The following CACNB2 variants were observed in gnomAD, a reference collection of about 807,000 sequenced individuals.
CACNB2 encodes the protein voltage-dependent L-type calcium channel subunit beta-2.
In CACNB2, 42 loss-of-function variants were observed where a neutral mutation model predicts 73.3. The observed-to-expected ratio is 0.57, with a 90% CI of 0.45 to 0.74. CACNB2 has a LOEUF of 0.74. CACNB2 is among the 30% of genes least tolerant of loss of function. The probability of loss-of-function intolerance (pLI) is 0.00; values close to 1 mark genes in which losing one functional copy is unlikely to be tolerated. For missense variants in CACNB2, 940 were observed against 853.0 expected (o/e 1.10, Z -1.27); for synonymous variants, 348 against 310.3 (o/e 1.12, Z -1.28).
At chr10:18,363,102 T>C (rs1318304467) in intron 2 of CACNB2, among the ~76,000 whole-genome samples, 5 of 152,120 alleles carry the variant, frequency 3.3e-5, no homozygotes, top group African/African-American at 4.8e-5. Flanking sequence ...TCCCCCATCT[T>C]CTCTGCTCAC....
At chr10:18,145,953 CTCCTCCT>C in intron 1 of CACNB2, among the ~76,000 whole-genome samples, 1 of 152,132 alleles carries the variant, frequency 6.6e-6, no homozygotes, top group Non-Finnish European at 1.5e-5. Flanking sequence ...GCTTCCTGGC[CTCCTCCT>C]TCCTCCCTCC....
intron 2 of CACNB2, among the ~76,000 whole-genome samples, chr10:18,345,294 C>G (rs970398413): frequency 2.6e-5 from 4 of 152,108 alleles, no homozygotes; most frequent in African/African-American, 9.7e-5. Flanking sequence ...CAGTATTATT[C>G]ATATACTAAT....
intron 3 of CACNB2, among the ~76,000 whole-genome samples, chr10:18,440,178 C>T (rs12261122): frequency 6.6e-6 from 1 of 152,108 alleles, no homozygotes; most frequent in Non-Finnish European, 1.5e-5. Context: ...GGACAGGCTC[C>T]TTCAATCCCT....
intron 2 of CACNB2, among the ~76,000 whole-genome samples, chr10:18,154,549 C>A (rs1487486797): frequency 6.6e-6 from 1 of 152,088 alleles, no homozygotes; most frequent in African/African-American, 2.4e-5. Flanking sequence ...CTCACTGCAA[C>A]CTCCATCTCC....
intron 2 of CACNB2, among the ~76,000 whole-genome samples, chr10:18,305,982 G>A (rs984268088): frequency 6.6e-6 from 1 of 152,114 alleles, no homozygotes; most frequent in Non-Finnish European, 1.5e-5. Context: ...AAAAGGAAAA[G>A]TAAAGTGATA....
intron 2 of CACNB2, among the ~76,000 whole-genome samples, chr10:18,338,738 C>CTTTTTT (rs553402190): frequency 2.9e-5 from 3 of 102,446 alleles, no homozygotes; most frequent in African/African-American, 3.9e-5. Flanking sequence ...TCCTTCTTTC[C>CTTTTTT]TTTTTTTTTT....
chr10:18,394,297 G>A (rs540225933), intron 2 of CACNB2, among the ~76,000 whole-genome samples: 6 of 152,088 alleles, frequency 3.9e-5, no homozygotes, highest in Admixed American at 6.6e-5. Context: ...GAGAGCAAGC[G>A]AGCGTGCCTA....
intron 2 of CACNB2, among the ~76,000 whole-genome samples, chr10:18,311,721 T>C (rs2039972647): frequency 6.6e-6 from 1 of 152,188 alleles, no homozygotes; most frequent in South Asian, 2.1e-4. Context: ...GGGTTGGTCT[T>C]GCTGTCTTGG....
chr10:18,242,995 G>T (rs2036721027), intron 2 of CACNB2, among the ~76,000 whole-genome samples: 1 of 126,200 alleles, frequency 7.9e-6, no homozygotes, highest in African/African-American at 3.2e-5. Flanking sequence ...GGGCGACAGA[G>T]CAAGACTGTC....
At chr10:18,264,322 C>T (rs2037691362) in intron 2 of CACNB2, among the ~76,000 whole-genome samples, 1 of 152,188 alleles carries the variant, frequency 6.6e-6, no homozygotes, top group Non-Finnish European at 1.5e-5. Flanking sequence ...GTGTCACAAA[C>T]AATCCAATTA....
At chr10:18,443,974 C>T (rs899324654) in intron 3 of CACNB2, among the ~76,000 whole-genome samples, 1 of 152,132 alleles carries the variant, frequency 6.6e-6, no homozygotes, top group Non-Finnish European at 1.5e-5. Flanking sequence ...CTTGGCCTCC[C>T]GAAGTGCTGG....
At chr10:18,336,638 A>G (rs1196539740) in intron 2 of CACNB2, among the ~76,000 whole-genome samples, 1 of 152,154 alleles carries the variant, frequency 6.6e-6, no homozygotes, top group Non-Finnish European at 1.5e-5. Flanking sequence ...GAAAAAAAAA[A>G]AGATGACTTA....
intron 3 of CACNB2, among the ~76,000 whole-genome samples, chr10:18,406,917 C>T (rs1202198551): frequency 6.6e-6 from 1 of 151,958 alleles, no homozygotes; most frequent in Non-Finnish European, 1.5e-5. Context: ...GTGTATGCGA[C>T]GGTCAGTGTA....
chr10:18,512,591 C>T (rs933408750), intron 6 of CACNB2, among the ~76,000 whole-genome samples: 12 of 152,068 alleles, frequency 7.9e-5, no homozygotes, highest in Non-Finnish European at 1.5e-4. Context: ...ATTGCGGTTT[C>T]GGACCATGGA....
chr10:18,536,243 C>CTTTTCTTTTTTTTTTT lies in CACNB2; in HGVS notation c.1302+51_1302+52insCTTTTTTTTTTTTTTT, dbSNP rs1327787339. 123 of 282,930 alleles carry CTTTTCTTTTTTTTTTT rather than the reference C, an allele frequency of 4.3e-4. 6 individuals carry two copies. The highest frequency in any genetic ancestry group is 5.4e-4 in the Middle Eastern group (1 of 1,868). 17.5% of individuals were successfully genotyped at this position (282,930 alleles called of 1,614,324 possible). On this transcript the variant is annotated intron_variant, in intron 12 of 13. Coordinates refer to ENST00000324631, the MANE Select transcript of CACNB2 (RefSeq NM_201596.3). Reference sequence around the variant, plus strand: ...CATAATCCAGTTACAGAGATCAGACCTTTTTTTTTTTTTTTTTTTTTTTTT... The same window carrying CTTTTCTTTTTTTTTTT: ...CATAATCCAGTTACAGAGATCAGACCTTTTCTTTTTTTTTTTTTTTTTTTTTTTTTTTTTTTTTTTT...
chr10:18,499,659 C>CTATG (rs1045491457), intron 4 of CACNB2, among the ~76,000 whole-genome samples: 8 of 145,476 alleles, frequency 5.5e-5, no homozygotes, highest in Admixed American at 4.9e-4. Context: ...AGCCTGGGTA[C>CTATG]TATGGCTCAT....
At chr10:18,294,609 A>G (rs1265711041) in intron 2 of CACNB2, among the ~76,000 whole-genome samples, 1 of 152,244 alleles carries the variant, frequency 6.6e-6, no homozygotes, top group African/African-American at 2.4e-5. Flanking sequence ...GGTGTTGCCA[A>G]TTGGTTGGTT....
At chr10:18,361,020 TCCTGC>T (rs2042117326) in intron 2 of CACNB2, among the ~76,000 whole-genome samples, 1 of 152,174 alleles carries the variant, frequency 6.6e-6, no homozygotes, top group African/African-American at 2.4e-5. Flanking sequence ...GTGGTTTTTT[TCCTGC>T]CTCCTACTTC....
rs61839263 is a variant in CACNB2 at position 18,481,210 on chromosome 10, A to T, written c.334-17145A>T. Among the ~76,000 whole-genome samples, 6 of 9,796 alleles carry T rather than the reference A, an allele frequency of 6.1e-4. 1 individual carries two copies. The highest frequency in any genetic ancestry group is 0.17 in the Middle Eastern group (2 of 12). The allele number at this position is 9,796 out of a possible 152,430, so 6.4% of individuals were successfully genotyped here. Reference sequence around the variant, plus strand: ...ATCTTCGCTATATATATATATATATATATATATATATATATATATATTTTT... The same window carrying T: ...ATCTTCGCTATATATATATATATATTTATATATATATATATATATATTTTT... On this transcript the variant is annotated intron_variant, in intron 3 of 13. Coordinates refer to ENST00000324631, the MANE Select transcript of CACNB2 (RefSeq NM_201596.3).
Sources: allele counts gnomAD v4.1 joint callset (sites outside exome capture counted in the v4.1 genomes callset), GRCh38; gene constraint gnomAD v4.1.1; transcripts MANE v1.5; gene names NCBI Gene and HGNC (gene_info 2026-07-23, HGNC 2026-07-21).